The following GRM5 variants were observed in gnomAD, a reference collection of about 807,000 sequenced individuals.
GRM5 encodes glutamate metabotropic receptor 5.
A neutral mutation model predicts 83.1 loss-of-function variants in GRM5; 19 were observed. The ratio of observed to expected loss-of-function variants is 0.23; its 90% CI spans 0.16 to 0.34. The LOEUF is 0.34. Ranked by LOEUF, GRM5 falls within the 10% of genes least tolerant of loss-of-function variation. GRM5 has a pLI of 1.00. For missense variants in GRM5, 1,160 were observed against 1,588.3 expected (o/e 0.73, Z 4.58); for synonymous variants, 675 against 633.6 (o/e 1.07, Z -0.98).
chr11:88,875,556 T>A (rs1944839199), intron 2 of GRM5, among the ~76,000 whole-genome samples: 1 of 152,060 alleles, frequency 6.6e-6, no homozygotes. Context: ...AATTAAAATG[T>A]TGAATCCTTT....
At chr11:88,750,908 A>G (rs925552906) in intron 3 of GRM5, among the ~76,000 whole-genome samples, 1 of 151,992 alleles carries the variant, frequency 6.6e-6, no homozygotes, top group African/African-American at 2.4e-5. Context: ...GGATGCTGTA[A>G]GGCATGGTTA....
intron 7 of GRM5, among the ~76,000 whole-genome samples, chr11:88,576,215 T>C (rs1275240828): frequency 6.6e-6 from 1 of 152,206 alleles, no homozygotes; most frequent in African/African-American, 2.4e-5. Flanking sequence ...CTTATTCTTC[T>C]ACTTTCCAGA....
intron 4 of GRM5, among the ~76,000 whole-genome samples, chr11:88,633,070 G>A (rs1939021490): frequency 1.3e-5 from 2 of 152,118 alleles, no homozygotes; most frequent in South Asian, 4.1e-4. Context: ...TGGCAGATAG[G>A]TATAGGAGAT....
intron 3 of GRM5, among the ~76,000 whole-genome samples, chr11:88,733,039 C>T (rs895477074): frequency 2.0e-5 from 3 of 152,024 alleles, no homozygotes; most frequent in African/African-American, 7.2e-5. Flanking sequence ...ATTTCATAGA[C>T]ATGACCCAAT....
At chr11:88,534,997 C>T (rs753414395) in intron 8 of GRM5, among the ~76,000 whole-genome samples, 27 of 152,296 alleles carry the variant, frequency 1.8e-4, no homozygotes, top group Non-Finnish European at 3.1e-4. Flanking sequence ...TTCTCCTTGC[C>T]TTCTGCCATG....
chr11:88,919,342 T>C (rs1422265736), intron 2 of GRM5, among the ~76,000 whole-genome samples: 5 of 146,258 alleles, frequency 3.4e-5, no homozygotes, highest in Non-Finnish European at 7.6e-5. Context: ...ATTCAGCAAG[T>C]GGATATAACA....
intron 3 of GRM5, among the ~76,000 whole-genome samples, chr11:88,696,246 C>A (rs1940899465): frequency 6.6e-6 from 1 of 152,082 alleles, no homozygotes; most frequent in South Asian, 2.1e-4. Flanking sequence ...CTGCTGGTTT[C>A]TGTCTGTGGG....
chr11:88,847,629 G>A (rs1342424768), intron 3 of GRM5, among the ~76,000 whole-genome samples: 2 of 152,070 alleles, frequency 1.3e-5, no homozygotes, highest in African/African-American at 4.8e-5. Context: ...GAAACTGCAG[G>A]GAGACAGTTT....
chr11:88,988,668 G>A (rs1267657175), intron 2 of GRM5, among the ~76,000 whole-genome samples: 3 of 151,656 alleles, frequency 2.0e-5, no homozygotes. Context: ...TCTCTCGGCA[G>A]AAACCCTACA....
At chr11:88,814,419 T>G (rs1195644397) in intron 3 of GRM5, among the ~76,000 whole-genome samples, 8 of 152,164 alleles carry the variant, frequency 5.3e-5, no homozygotes, top group Non-Finnish European at 1.0e-4. Context: ...CTGCAAAACA[T>G]ACAGTCTGAA....
intron 4 of GRM5, among the ~76,000 whole-genome samples, chr11:88,615,093 G>T (rs1272281298): frequency 6.6e-6 from 1 of 152,060 alleles, no homozygotes; most frequent in African/African-American, 2.4e-5. Context: ...GATCTTAAAA[G>T]CTGACGGATG....
intron 3 of GRM5, among the ~76,000 whole-genome samples, chr11:88,755,535 T>C (rs1367691534): frequency 2.0e-5 from 3 of 152,154 alleles, no homozygotes; most frequent in Non-Finnish European, 2.9e-5. Context: ...TATATTTACA[T>C]TGCAATAACA....
intron 3 of GRM5, among the ~76,000 whole-genome samples, chr11:88,692,209 A>C (rs1490175257): frequency 2.6e-5 from 4 of 152,186 alleles, no homozygotes; most frequent in African/African-American, 4.8e-5. Flanking sequence ...TATAGACTTT[A>C]TCACTAGGTA....
intron 2 of GRM5, among the ~76,000 whole-genome samples, chr11:88,915,473 C>G (rs946580640): frequency 6.6e-6 from 1 of 152,050 alleles, no homozygotes; most frequent in African/African-American, 2.4e-5. Flanking sequence ...TAAGTTCTTG[C>G]TCCCTTGCCC....
chr11:88,587,863 T>A (rs935509986), intron 7 of GRM5, among the ~76,000 whole-genome samples: 4 of 152,068 alleles, frequency 2.6e-5, no homozygotes, highest in Admixed American at 2.6e-4. Flanking sequence ...AAACCTAGCA[T>A]AAAAATACAC....
intron 2 of GRM5, among the ~76,000 whole-genome samples, chr11:89,010,667 A>G (rs1036888587): frequency 4.0e-5 from 6 of 151,708 alleles, no homozygotes; most frequent in African/African-American, 1.5e-4. Context: ...TTAAAAGTTT[A>G]AAAATTATTG....
intron 2 of GRM5, among the ~76,000 whole-genome samples, chr11:88,981,483 G>C (rs1354305257): frequency 1.3e-5 from 2 of 152,080 alleles, no homozygotes; most frequent in African/African-American, 4.8e-5. Context: ...TGATCTTTAT[G>C]CTATTTACAG....
At chr11:88,998,371 AATTCATTG>A (rs1940262664) in intron 2 of GRM5, among the ~76,000 whole-genome samples, 1 of 152,168 alleles carries the variant, frequency 6.6e-6, no homozygotes, top group Non-Finnish European at 1.5e-5. Flanking sequence ...AATCAACATA[AATTCATTG>A]ATTTAAAAAA....
chr11:88,511,902 C>T (rs1311782076), intron 9 of GRM5: 3 of 152,238 alleles, frequency 2.0e-5, no homozygotes, highest in Non-Finnish European at 4.4e-5. Context: ...TTTCAGGTCA[C>T]TAAGTCCCCT....
Sources: allele counts gnomAD v4.1 joint callset (sites outside exome capture counted in the v4.1 genomes callset), GRCh38; gene constraint gnomAD v4.1.1; transcripts MANE v1.5; gene names NCBI Gene and HGNC (gene_info 2026-07-23, HGNC 2026-07-21).